The following ATP2C2 variants were observed in gnomAD, a reference collection of about 807,000 sequenced individuals.
ATP2C2 encodes calcium-transporting ATPase type 2C member 2.
A neutral mutation model predicts 110.8 loss-of-function variants in ATP2C2; 171 were observed. The observed-to-expected ratio is 1.54, with a 90% confidence interval of 1.36 to 1.75. The LOEUF (loss-of-function observed/expected upper bound fraction) is 1.75. ATP2C2 is among the 40% of genes most tolerant of loss of function. ATP2C2 has a pLI of 0.00. For synonymous variants in ATP2C2, 804 were observed against 508.4 expected, an observed-to-expected ratio of 1.58 and a Z score of -7.82; for missense variants, 1,963 against 1,235.0, an observed-to-expected ratio of 1.59 and a Z score of -8.84.
At chr16:84,420,437 G>C (rs55966520) in intron 7 of ATP2C2, among the ~76,000 whole-genome samples, 1 of 150,356 alleles carries the variant, frequency 6.7e-6, no homozygotes, top group Non-Finnish European at 1.5e-5. Flanking sequence ...TTTTCTTCCC[G>C]GGGTGGGGGT....
intron 1 of ATP2C2, among the ~76,000 whole-genome samples, chr16:84,383,844 C>G (rs564313604): frequency 1.5e-5 from 2 of 137,748 alleles, no homozygotes; most frequent in East Asian, 4.4e-4. Context: ...CGGCTGAGAG[C>G]AGTAGCGCAA....
At chr16:84,417,467 C>T (rs1906942502) in intron 7 of ATP2C2, among the ~76,000 whole-genome samples, 1 of 152,214 alleles carries the variant, frequency 6.6e-6, no homozygotes, top group South Asian at 2.1e-4. Context: ...GGTAAACAGT[C>T]ACCAGATACT....
At chr16:84,407,689 C>A (rs1905898159) in intron 3 of ATP2C2, among the ~76,000 whole-genome samples, 2 of 152,092 alleles carry the variant, frequency 1.3e-5, no homozygotes, top group African/African-American at 4.8e-5. Context: ...CCAGGCTGGA[C>A]TGAAACTCCT....
At chr16:84,435,034 T>C (rs1473119902) in intron 11 of ATP2C2, among the ~76,000 whole-genome samples, 1 of 152,258 alleles carries the variant, frequency 6.6e-6, no homozygotes, top group East Asian at 1.9e-4. Flanking sequence ...GATCAGATTC[T>C]GTAATCTTGG....
At chr16:84,439,579 C>G in intron 13 of ATP2C2, 55 bp downstream of exon 13, 1 of 1,514,972 alleles carries the variant, frequency 6.6e-7, no homozygotes, top group Non-Finnish European at 9.2e-7. Context: ...AGGCTGTCTC[C>G]TTTCTAAACT....
chr16:84,432,827 C>A (rs116150888), intron 11 of ATP2C2, among the ~76,000 whole-genome samples: 2,694 of 152,160 alleles, frequency 0.018, 86 homozygotes, highest in African/African-American at 0.062. Flanking sequence ...GGCTGAGACT[C>A]ATATTTCTAA....
intron 1 of ATP2C2, among the ~76,000 whole-genome samples, chr16:84,397,850 T>C (rs918218568): frequency 6.6e-6 from 1 of 151,606 alleles, no homozygotes; most frequent in African/African-American, 2.4e-5. Context: ...TCACTAACAA[T>C]GTTGAGTGAA....
chr16:84,421,543 C>A (rs960332890), intron 7 of ATP2C2, among the ~76,000 whole-genome samples: 1 of 152,080 alleles, frequency 6.6e-6, no homozygotes, highest in Non-Finnish European at 1.5e-5. Flanking sequence ...ATGACCAGGT[C>A]CCTAGGGATA....
intron 21 of ATP2C2, among the ~76,000 whole-genome samples, chr16:84,455,754 A>G (rs538613731): frequency 9.3e-5 from 14 of 150,456 alleles, no homozygotes; most frequent in Admixed American, 5.3e-4. Flanking sequence ...ACACTTAGAA[A>G]AAAAAAAAAA....
chr16:84,387,263 T>C (rs778412150), intron 1 of ATP2C2, among the ~76,000 whole-genome samples: 1 of 152,206 alleles, frequency 6.6e-6, no homozygotes, highest in Non-Finnish European at 1.5e-5. Context: ...GGCTCGTGCC[T>C]GTAATCCCAG....
chr16:84,462,045 C>T lies in ATP2C2; in HGVS notation c.2638C>T (p.Leu880=), dbSNP rs745451312. The T allele has an allele frequency of 2.5e-6, 4 of 1,614,130 alleles. No individual in the cohort carries two copies. The highest frequency in any genetic ancestry group is 2.5e-6 in the Non-Finnish European group (3 of 1,179,992). The change falls in exon 26 of 27, where the codon CTG becomes TTG. Residue 880 remains leucine (L), a synonymous_variant. Coordinates refer to ENST00000262429, the MANE Select transcript of ATP2C2 (RefSeq NM_014861.4). ...LRNHMFLYSV[L]GSILGQLAVI... The stretch of plus-strand genomic sequence containing the variant: ...GAACCACATGTTCCTCTACTCCGTC[C>T]TGGGGTCCATCCTGGGGCAGCTGGC...
At chr16:84,417,470 C>T (rs1567709263) in intron 7 of ATP2C2, among the ~76,000 whole-genome samples, 1 of 152,182 alleles carries the variant, frequency 6.6e-6, no homozygotes, top group Non-Finnish European at 1.5e-5. Context: ...AAACAGTCAC[C>T]AGATACTTGT....
rs746857247 is a variant in ATP2C2 at position 84,442,496 on chromosome 16, C to G, written c.1312-14C>G. Reference sequence around the variant, plus strand: ...CCAGTACTAACTACAGATGTCCGGACAATCCCCTTTTAGGCGGGCTGTGTT... The same window carrying G: ...CCAGTACTAACTACAGATGTCCGGAGAATCCCCTTTTAGGCGGGCTGTGTT... On this transcript the variant is annotated splice_polypyrimidine_tract_variant and intron_variant, in intron 14 of 26. Coordinates refer to ENST00000262429, the MANE Select transcript of ATP2C2 (RefSeq NM_014861.4). 5 of 1,613,572 alleles carry G rather than the reference C, an allele frequency of 3.1e-6. No homozygotes were observed. Among genetic ancestry groups the G allele is most frequent in the Admixed American group, 1.7e-5 (1 of 59,988 alleles).
At position 84,446,382 on chromosome 16, in the gene ATP2C2, C is replaced by T. The variant is rs1012318987; in HGVS notation, c.1455C>T (p.Phe485=). 6.2e-7 allele frequency: 1 copy of T among 1,606,292 alleles called. No homozygotes were observed. Among genetic ancestry groups the T allele is most frequent in the Non-Finnish European group, 8.5e-7 (1 of 1,177,098 alleles). Residue 485 remains phenylalanine (F), a synonymous_variant, in exon 16 of 27, where the codon TTC becomes TTT. Transcript: ENST00000262429. ...ATATAAGAAAAAAAGAGATTCCATTCAGTTCAGAGCAGAAGTGGATGGCGG... is the reference window on the plus strand; with the variant it reads ...ATATAAGAAAAAAAGAGATTCCATTTAGTTCAGAGCAGAAGTGGATGGCGG... The part of the protein sequence containing the change: ...NSYIRKKEIP[F]SSEQKWMAVK...
At position 84,442,623 on chromosome 16, in the gene ATP2C2, G is replaced by A. The variant is rs182849835; in HGVS notation, c.1401+24G>A. The stretch of plus-strand genomic sequence containing the variant: ...AGGTAGGAGGTCCTGGGGTGGCTCT[G>A]CGGGGAATTCTTTCGCTCGGGGCTG... On this transcript the variant is annotated intron_variant, in intron 15 of 26. Coordinates refer to ENST00000262429, the MANE Select transcript of ATP2C2 (RefSeq NM_014861.4). 11,224 of 1,609,092 alleles carry A rather than the reference G, an allele frequency of 7.0e-3. 52 individuals are homozygous for A. The highest frequency in any genetic ancestry group is 8.7e-3 in the Non-Finnish European group (10,215 of 1,175,762).
intron 1 of ATP2C2, among the ~76,000 whole-genome samples, chr16:84,378,875 G>A (rs1177930893): frequency 2.0e-5 from 3 of 152,202 alleles, no homozygotes; most frequent in South Asian, 4.1e-4. Flanking sequence ...CGAGGTCCCT[G>A]GCTGGAGACA....
In ATP2C2 at chr16:84,452,174, C is replaced by A. The variant is rs559920693; in HGVS notation, c.1831+83C>A. The A allele has an allele frequency of 6.6e-4, 1,017 of 1,551,218 alleles. 19 individuals carry two copies. The South Asian group carries it at 0.01, about 16-fold the overall frequency. ...GGGGCTGCTACCAAAGGGAAGCCTC[C>A]GCAAACTCGGTCAGGAGTGCTCACG... On this transcript the variant is annotated intron_variant, in intron 18 of 26. Coordinates refer to ENST00000262429, the MANE Select transcript of ATP2C2 (RefSeq NM_014861.4).
At chr16:84,461,041 T>C (rs1911276680) in intron 24 of ATP2C2, 1 of 515,624 alleles carries the variant, frequency 1.9e-6, no homozygotes, top group East Asian at 3.3e-5. Context: ...GGGGTGGAGA[T>C]GACTTTGCCG....
intron 11 of ATP2C2, among the ~76,000 whole-genome samples, chr16:84,437,060 C>G (rs142660849): frequency 1.3e-5 from 2 of 152,276 alleles, no homozygotes; most frequent in South Asian, 2.1e-4. Flanking sequence ...CCACACCCGG[C>G]CTTTTTCTTT....
Sources: gnomAD v4.1 joint callset for allele counts (sites outside exome capture counted in the v4.1 genomes callset) on GRCh38, gnomAD v4.1.1 for gene constraint, MANE v1.5 for transcripts, NCBI Gene and HGNC (gene_info 2026-07-23, HGNC 2026-07-21) for gene names.